MNDA: variants seen among roughly 807,000 people sequenced by gnomAD.
MNDA encodes the protein epididymis secretory sperm binding protein.
In MNDA, 43 loss-of-function variants were observed where a neutral mutation model predicts 37.8. That is an observed-to-expected ratio of 1.14 (90% CI 0.89 to 1.47). The LOEUF (loss-of-function observed/expected upper bound fraction) is 1.47, where lower values mean the gene tolerates loss of function less well. Among genes scored for constraint, MNDA ranks in the 40% most tolerant of loss-of-function variants. MNDA has a pLI of 0.00. For synonymous variants in MNDA, 181 were observed against 169.0 expected (o/e 1.07, Z -0.55); for missense variants, 536 against 476.0 (o/e 1.13, Z -1.17).
chr1:158,845,608 C>A lies in MNDA; in HGVS notation c.592C>A (p.Arg198=). 1.2e-6 allele frequency: 2 copies of A among 1,612,462 alleles called. No individual in the cohort carries two copies. Among genetic ancestry groups the A allele is most frequent in the Non-Finnish European group, 1.7e-6 (2 of 1,179,098 alleles). ...FTPNQETQAQ[R]QVDARRNVPQ... Reference sequence around the variant, plus strand: ...ACAGAATCAGGAAACCCAGGCCCAACGGCAGGTGGATGCAAGAAGAAATGT... The same window carrying A: ...ACAGAATCAGGAAACCCAGGCCCAAAGGCAGGTGGATGCAAGAAGAAATGT... The change falls in exon 5 of 7, where the codon CGG becomes AGG. Residue 198 remains arginine, a synonymous_variant. Transcript: ENST00000368141.
chr1:158,836,464 G>C (rs1230865688), intron 1 of MNDA, among the ~76,000 whole-genome samples: 1 of 151,824 alleles, frequency 6.6e-6, no homozygotes, highest in African/African-American at 2.4e-5. Flanking sequence ...CAGGTTGTAT[G>C]TTTCTAATAA....
At chr1:158,835,639 C>A (rs1479139255) in intron 1 of MNDA, among the ~76,000 whole-genome samples, 1 of 149,288 alleles carries the variant, frequency 6.7e-6, no homozygotes, top group Admixed American at 6.7e-5. Context: ...GGGTGTTAAA[C>A]CCTCAGTACT....
In MNDA at chr1:158,844,196, C is replaced by A. The variant is rs560943988; in HGVS notation, c.570+74C>A. On this transcript the variant is annotated intron_variant, in intron 4 of 6. Transcript: ENST00000368141. Reference sequence around the variant, plus strand: ...GTGCATTCCACTGTTACTATTGTTACTCTCATGCATAACTCTTCATATTAC... The same window carrying A: ...GTGCATTCCACTGTTACTATTGTTAATCTCATGCATAACTCTTCATATTAC... 33 of 1,292,098 alleles carry A rather than the reference C, an allele frequency of 2.6e-5. No individual in the cohort carries two copies. In the South Asian group the frequency reaches 5.2e-4, roughly 21 times the overall value. The allele number at this position is 1,292,098 out of a possible 1,614,324, so 80.0% of individuals were successfully genotyped here.
At chr1:158,832,803 T>C (rs1256821160) in intron 1 of MNDA, among the ~76,000 whole-genome samples, 1 of 152,062 alleles carries the variant, frequency 6.6e-6, no homozygotes, top group Non-Finnish European at 1.5e-5. Context: ...GCTTTATTTG[T>C]ACTTTGTCAA....
chr1:158,840,663 C>T (rs1426472001), intron 1 of MNDA, among the ~76,000 whole-genome samples: 1 of 152,168 alleles, frequency 6.6e-6, no homozygotes, highest in Non-Finnish European at 1.5e-5. Flanking sequence ...AAATTGCAGA[C>T]ATATAATTAT....
chr1:158,843,649 A>T (rs904057580), intron 3 of MNDA, among the ~76,000 whole-genome samples: 3 of 152,224 alleles, frequency 2.0e-5, no homozygotes, highest in Non-Finnish European at 4.4e-5. Context: ...TTGGATATAC[A>T]TCTTGCCCAT....
At chr1:158,840,287 A>T (rs570928665) in intron 1 of MNDA, among the ~76,000 whole-genome samples, 1 of 152,304 alleles carries the variant, frequency 6.6e-6, no homozygotes, top group African/African-American at 2.4e-5. Context: ...TGGGTAATTT[A>T]TAAAGAAAAG....
intron 2 of MNDA, 149 bp from the exon 3 acceptor site, chr1:158,843,130 G>A (rs1659064547): frequency 1.1e-6 from 1 of 915,254 alleles, no homozygotes; most frequent in Admixed American, 3.3e-5. Context: ...CCTCCTAGGA[G>A]CCAGGCTGGG....
At chr1:158,834,107 A>G (rs1658859783) in intron 1 of MNDA, among the ~76,000 whole-genome samples, 1 of 151,520 alleles carries the variant, frequency 6.6e-6, no homozygotes, top group Admixed American at 6.6e-5. Flanking sequence ...GTTATATCTC[A>G]TTGTGGTTTT....
chr1:158,839,066 G>C (rs1658979982), intron 1 of MNDA, among the ~76,000 whole-genome samples: 1 of 152,048 alleles, frequency 6.6e-6, no homozygotes, highest in South Asian at 2.1e-4. Context: ...AAGAAAGTCT[G>C]AGGGCTGTGT....
rs1182663649 is a variant in MNDA, at chr1:158,845,978, T to C, written c.962T>C (p.Val321Ala). 6.2e-7 allele frequency: 1 copy of C among 1,608,994 alleles called. No individual in the cohort carries two copies. The highest frequency in any genetic ancestry group is 1.7e-5 in the Admixed American group (1 of 58,920). The part of the protein sequence containing the change: ...QLYKQASGTM[V>A]YGLFMLQKKS... ...TACAAGCAAGCATCTGGAACAATGG[T>C]GTATGGGTTGTTTATGTTACAAAAG... The change falls in exon 5 of 7, where the codon GTG becomes GCG. Residue 321 changes from valine to alanine, a missense_variant. Coordinates refer to ENST00000368141, the MANE Select transcript of MNDA (RefSeq NM_002432.3).
Position 158,845,657 on chromosome 1 carries a change from T to C in MNDA, c.641T>C (p.Val214Ala). 3 of 1,613,992 alleles carry C rather than the reference T, an allele frequency of 1.9e-6. No individual in the cohort carries two copies. Among genetic ancestry groups the C allele is most frequent in the Non-Finnish European group, 2.5e-6 (3 of 1,179,952 alleles). The change falls in exon 5 of 7, where the codon GTG becomes GCG. Residue 214 changes from valine (V) to alanine (A), a missense_variant. Physicochemically the swap from Val to Ala is moderately conservative, Grantham distance 64. Coordinates refer to ENST00000368141, the MANE Select transcript of MNDA (RefSeq NM_002432.3). ...GTTCCCCAAAACGACCCAGTGACAG[T>C]GGTGGTACTGAAAGCAACAGCGCCA... The part of the protein sequence containing the change: ...RNVPQNDPVT[V>A]VVLKATAPFK...
At chr1:158,842,695 T>A in intron 2 of MNDA, 2 of 259,892 alleles carry the variant, frequency 7.7e-6, no homozygotes, top group Non-Finnish European at 1.4e-5. Context: ...ATCAAAAATG[T>A]CAGAAAATGA....
chr1:158,848,092 G>A (rs1236600585), intron 6 of MNDA, among the ~76,000 whole-genome samples, 176 bp downstream of exon 6: 1 of 152,156 alleles, frequency 6.6e-6, no homozygotes, highest in African/African-American at 2.4e-5. Context: ...TAAGGTAAAG[G>A]CATTCATACA....
In MNDA at chr1:158,845,613, G is replaced by A. The variant is rs200050968; in HGVS notation, c.597G>A (p.Gln199=). The change falls in exon 5 of 7, where the codon CAG becomes CAA. Residue 199 remains glutamine, a synonymous_variant. Coordinates refer to ENST00000368141, the MANE Select transcript of MNDA (RefSeq NM_002432.3). ...TPNQETQAQR[Q]VDARRNVPQN... is the part of the protein sequence containing the mutation. ...ATCAGGAAACCCAGGCCCAACGGCAGGTGGATGCAAGAAGAAATGTTCCCC... is the reference window on the plus strand; with the variant it reads ...ATCAGGAAACCCAGGCCCAACGGCAAGTGGATGCAAGAAGAAATGTTCCCC... 2.5e-6 allele frequency: 4 copies of A among 1,613,176 alleles called. No individual in the cohort carries two copies. The highest frequency in any genetic ancestry group is 4.5e-5 in the East Asian group (2 of 44,866).
chr1:158,840,321 G>A lies in MNDA; in HGVS notation c.-20-1813G>A, dbSNP rs895121684. ...AGAGATTTGATTTACTCACAGTTCCGCACGGCTGGGGAGTCCTAAGGAAAC... is the reference window on the plus strand; with the variant it reads ...AGAGATTTGATTTACTCACAGTTCCACACGGCTGGGGAGTCCTAAGGAAAC... On this transcript the variant is annotated intron_variant, in intron 1 of 6. Coordinates refer to ENST00000368141, the MANE Select transcript of MNDA (RefSeq NM_002432.3). Among the ~76,000 whole-genome samples the A allele has an allele frequency of 3.9e-5, 6 of 152,084 alleles. No individual in the cohort carries two copies. The South Asian group carries it at 1.2e-3, about 32-fold the overall frequency.
intron 3 of MNDA, 150 bp from the exon 4 acceptor site, chr1:158,843,805 C>T: frequency 1.5e-6 from 1 of 683,744 alleles, no homozygotes; most frequent in Non-Finnish European, 2.4e-6. Context: ...TTGTCCATAT[C>T]TTCAAGTGAC....
At chr1:158,841,979 T>C (rs1571656801) in intron 1 of MNDA, among the ~76,000 whole-genome samples, 155 bp from the exon 2 acceptor site, 3 of 152,342 alleles carry the variant, frequency 2.0e-5, no homozygotes, top group Admixed American at 2.0e-4. Flanking sequence ...CTTGATCCAT[T>C]GTTCACAGTG....
chr1:158,835,615 TG>T (rs1340462483), intron 1 of MNDA, among the ~76,000 whole-genome samples: 1 of 38,616 alleles, frequency 2.6e-5, no homozygotes, highest in Non-Finnish European at 4.8e-5. Flanking sequence ...CTATTTTTGG[TG>T]GGGGCGGGGG....
Sources: gnomAD v4.1 joint callset for allele counts (sites outside exome capture counted in the v4.1 genomes callset) on GRCh38, gnomAD v4.1.1 for gene constraint, MANE v1.5 for transcripts, NCBI Gene and HGNC (gene_info 2026-07-23, HGNC 2026-07-21) for gene names.